SDK2: variants seen among roughly 807,000 people sequenced by gnomAD.
SDK2 encodes protein sidekick-2.
In SDK2, 105 loss-of-function variants were observed where a neutral mutation model predicts 253.9. The observed-to-expected ratio is 0.41, with a 90% confidence interval of 0.35 to 0.49. SDK2 has a LOEUF of 0.49. SDK2 is among the 20% of genes least tolerant of loss of function. The pLI is 0.06. For synonymous variants in SDK2, 1,249 were observed against 1,234.9 expected (o/e 1.01, Z -0.24); for missense variants, 2,608 against 3,003.0 (o/e 0.87, Z 3.07).
At chr17:73,631,282 C>T (rs1055320822) in intron 1 of SDK2, among the ~76,000 whole-genome samples, 2 of 152,172 alleles carry the variant, frequency 1.3e-5, no homozygotes, top group African/African-American at 4.8e-5. Flanking sequence ...CGCTCTCTGC[C>T]TGTAGACACT....
intron 6 of SDK2, among the ~76,000 whole-genome samples, chr17:73,439,000 A>G (rs1445776887): frequency 6.6e-6 from 1 of 152,188 alleles, no homozygotes; most frequent in Non-Finnish European, 1.5e-5. Flanking sequence ...GCCTTGCCCA[A>G]GTCCTGGGGT....
In SDK2 at chr17:73,441,022, C is replaced by T. The variant is rs75712524; in HGVS notation, c.614-99G>A. ...TGCCCTGGGAGGTCTTTGTCCTTAC[C>T]GAGTGGAGCAGGTGGCCATGGGGGC... On this transcript the variant is annotated intron_variant, in intron 5 of 44. Coordinates refer to ENST00000392650, the MANE Select transcript of SDK2 (RefSeq NM_001144952.2). 5,469 of 907,894 alleles carry T rather than the reference C, an allele frequency of 6.0e-3. 223 individuals are homozygous for T. In the African/African-American group the frequency reaches 0.081, roughly 13 times the overall value. The allele number at this position is 907,894 out of a possible 1,614,324, so 56.2% of individuals were successfully genotyped here. A position where few individuals can be genotyped will look rare whatever the true frequency, so the allele number is the denominator to read the frequency against.
intron 2 of SDK2, among the ~76,000 whole-genome samples, chr17:73,487,604 G>T (rs930681815): frequency 6.6e-6 from 1 of 152,198 alleles, no homozygotes; most frequent in African/African-American, 2.4e-5. Flanking sequence ...CAGAATCTTG[G>T]GCCCCACCCC....
chr17:73,500,781 C>T (rs2063884805), intron 2 of SDK2, among the ~76,000 whole-genome samples: 1 of 149,354 alleles, frequency 6.7e-6, no homozygotes. Context: ...AGCCTCTGTC[C>T]ATCCTCCCTC....
intron 2 of SDK2, among the ~76,000 whole-genome samples, chr17:73,504,189 CGTGCGTGTGTGT>C (rs1399303959): frequency 3.1e-4 from 28 of 89,566 alleles, no homozygotes; most frequent in East Asian, 3.1e-4. Flanking sequence ...TGGAGCAGTG[CGTGCGTGTGTGT>C]GTGTGTGTGT....
chr17:73,520,236 C>A (rs1249413960), intron 1 of SDK2: 1 of 152,306 alleles, frequency 6.6e-6, no homozygotes, highest in African/African-American at 2.4e-5. Context: ...GGCCGTTGTG[C>A]ACCCCTGGAC....
rs753333014 is a variant in SDK2 at position 73,358,061 on chromosome 17, C to T, written c.5593+18G>A. 1.2e-6 allele frequency: 2 copies of T among 1,612,944 alleles called. No individual in the cohort carries two copies. The highest frequency in any genetic ancestry group is 2.7e-5 in the African/African-American group (2 of 74,944). Reference sequence around the variant, plus strand: ...GATAATGAGCTGTGGGGTCTCAGCCCAGCAGGGCGGGGCGCACCTGAAGGT... The same window carrying T: ...GATAATGAGCTGTGGGGTCTCAGCCTAGCAGGGCGGGGCGCACCTGAAGGT... On this transcript the variant is annotated intron_variant, in intron 40 of 44. Coordinates refer to ENST00000392650, the MANE Select transcript of SDK2 (RefSeq NM_001144952.2).
chr17:73,447,759 G>A lies in SDK2; in HGVS notation c.480-11C>T. The A allele has an allele frequency of 6.4e-7, 1 of 1,551,512 alleles. No homozygotes were observed. The highest frequency in any genetic ancestry group is 8.7e-7 in the Non-Finnish European group (1 of 1,146,906). ...TCCAGCGTGATGGCTCTGGGAAGAGGAAAAGGATTCCTCTGACAGGGGCCT... is the reference window on the plus strand; with the variant it reads ...TCCAGCGTGATGGCTCTGGGAAGAGAAAAAGGATTCCTCTGACAGGGGCCT... On this transcript the variant is annotated splice_polypyrimidine_tract_variant and intron_variant, in intron 4 of 44. Coordinates refer to ENST00000392650, the MANE Select transcript of SDK2 (RefSeq NM_001144952.2). This position sits in a 1 kb window ranked among gnomAD's most constrained non-coding sequence, Gnocchi z 4.0.
intron 1 of SDK2, among the ~76,000 whole-genome samples, chr17:73,558,017 C>G (rs956642945): frequency 2.6e-5 from 4 of 152,372 alleles, no homozygotes; most frequent in East Asian, 3.9e-4. Context: ...TTCTAGGACC[C>G]TCCTCACCCT....
intron 1 of SDK2, among the ~76,000 whole-genome samples, chr17:73,622,394 G>A (rs2046144093): frequency 6.6e-6 from 1 of 152,222 alleles, no homozygotes; most frequent in African/African-American, 2.4e-5. Context: ...CTCCCTCTGT[G>A]AGTCCCTCCT....
intron 44 of SDK2, among the ~76,000 whole-genome samples, chr17:73,340,116 C>T (rs561837792): frequency 5.9e-5 from 9 of 152,342 alleles, no homozygotes; most frequent in Middle Eastern, 3.4e-3. Context: ...AGGTGATCCA[C>T]CCGCCTTGGC....
chr17:73,397,237 C>T (rs1041696201), intron 24 of SDK2, among the ~76,000 whole-genome samples: 2 of 152,174 alleles, frequency 1.3e-5, no homozygotes, highest in African/African-American at 2.4e-5. Context: ...TTGCTCCACA[C>T]GCCTCCTGGG....
chr17:73,460,251 A>G (rs2063554610), intron 3 of SDK2, among the ~76,000 whole-genome samples: 1 of 152,212 alleles, frequency 6.6e-6, no homozygotes, highest in African/African-American at 2.4e-5. Flanking sequence ...AGCAGCCCAC[A>G]TGGAGAGGAA....
intron 1 of SDK2, chr17:73,640,977 A>G (rs1166394557): frequency 1.3e-5 from 2 of 152,240 alleles, no homozygotes; most frequent in Admixed American, 6.5e-5. Context: ...TAGTTAAAAG[A>G]CTTCCAGGCT....
At chr17:73,430,209 C>A (rs1309679334) in intron 12 of SDK2, among the ~76,000 whole-genome samples, 3 of 152,162 alleles carry the variant, frequency 2.0e-5, no homozygotes, top group Non-Finnish European at 4.4e-5. Context: ...AACCCACAAG[C>A]CTCTTCCTTT....
At chr17:73,350,560 AGGAGAGGGACCT>A in intron 42 of SDK2, 78 bp downstream of exon 42, 1 of 1,460,010 alleles carries the variant, frequency 6.8e-7, no homozygotes. Flanking sequence ...GCCAGGAGCC[AGGAGAGGGACCT>A]GATCACCCCT....
chr17:73,372,030 G>A (rs904690811), intron 36 of SDK2, among the ~76,000 whole-genome samples: 31 of 152,070 alleles, frequency 2.0e-4, no homozygotes, highest in Non-Finnish European at 8.8e-5. Flanking sequence ...TTTCTGCCCT[G>A]CCCGTGGGAG....
At chr17:73,499,614 A>C (rs2063870100) in intron 2 of SDK2, among the ~76,000 whole-genome samples, 1 of 152,238 alleles carries the variant, frequency 6.6e-6, no homozygotes, top group Admixed American at 6.5e-5. Context: ...GAAGGAGCCC[A>C]ATGGGAAACC....
intron 1 of SDK2, among the ~76,000 whole-genome samples, chr17:73,626,286 C>T (rs959518702): frequency 1.1e-4 from 16 of 152,286 alleles, no homozygotes; most frequent in African/African-American, 3.6e-4. Flanking sequence ...ATGCGTTGGC[C>T]GGGGCTCGGG....
Sources: allele counts gnomAD v4.1 joint callset (sites outside exome capture counted in the v4.1 genomes callset), GRCh38; gene constraint gnomAD v4.1.1; non-coding constraint Gnocchi (gnomAD v3.1); transcripts MANE v1.5; gene names NCBI Gene and HGNC (gene_info 2026-07-23, HGNC 2026-07-21).